Variants in SHOC1 observed in about 807,000 individuals in gnomAD.
SHOC1 encodes the protein protein shortage in chiasmata 1 ortholog.
In SHOC1, 136 loss-of-function variants were observed where a neutral mutation model predicts 179.2. The ratio of observed to expected loss-of-function variants is 0.76; its 90% CI spans 0.66 to 0.87. SHOC1 has a LOEUF of 0.87. Among genes scored for constraint, SHOC1 ranks in the 40% least tolerant of loss-of-function variants. The pLI, the probability that SHOC1 is intolerant of heterozygous loss-of-function variation, is 0.00. For synonymous variants in SHOC1, 489 were observed against 586.6 expected (o/e 0.83, Z 2.41); for missense variants, 1,538 against 1,700.8 (o/e 0.90, Z 1.68).
Position 111,754,100 on chromosome 9 carries a change from T to A in SHOC1, c.862+2225A>T, listed in dbSNP as rs142168299. ...GATGATAAGTTAATTAGCTTTTTTA[T>A]GGTAAATATTTCACAATGTATATGT... On this transcript the variant is annotated intron_variant, in intron 8 of 27. Coordinates refer to ENST00000682961, the MANE Select transcript of SHOC1 (RefSeq NM_001378211.1). Among the ~76,000 whole-genome samples the A allele has an allele frequency of 5.9e-5, 9 of 152,294 alleles. No individual in the cohort carries two copies. In the East Asian group the frequency reaches 1.7e-3, roughly 29 times the overall value.
At chr9:111,771,832 T>G (rs906558287) in intron 5 of SHOC1, among the ~76,000 whole-genome samples, 3 of 152,192 alleles carry the variant, frequency 2.0e-5, no homozygotes, top group African/African-American at 7.2e-5. Flanking sequence ...TCTTGCTGCT[T>G]TTGAGATCCT....
chr9:111,794,526 G>T (rs966500234), intron 1 of SHOC1, among the ~76,000 whole-genome samples: 11 of 152,188 alleles, frequency 7.2e-5, no homozygotes, highest in African/African-American at 2.7e-4. Flanking sequence ...AGAGGTTGCA[G>T]TGAACCGAGA....
intron 24 of SHOC1, among the ~76,000 whole-genome samples, chr9:111,697,723 G>C (rs1026676513): frequency 1.8e-4 from 27 of 152,180 alleles, no homozygotes; most frequent in African/African-American, 6.3e-4. Context: ...GGTATGGCTG[G>C]GTCAAATGGT....
chr9:111,769,975 G>GTTTGTTTTTTTTTTTT lies in SHOC1; in HGVS notation c.442+5815_442+5816insAAAAAAAAAAAACAAA, dbSNP rs1564161086. 1.7e-4 allele frequency among the ~76,000 whole-genome samples: 15 copies of GTTTGTTTTTTTTTTTT among 87,792 alleles called. 2 individuals carry two copies. Among genetic ancestry groups the GTTTGTTTTTTTTTTTT allele is most frequent in the Admixed American group, 3.3e-4 (3 of 9,228 alleles). The allele number at this position is 87,792 out of a possible 152,430, so 57.6% of individuals were successfully genotyped here. On this transcript the variant is annotated intron_variant, in intron 5 of 27. Transcript: ENST00000682961. ...AATCTAGCGAAAGGTTTTATCTTCT[G>GTTTGTTTTTTTTTTTT]TTTTTTTTTTGTTTTTTTTTTTTTT...
At chr9:111,730,545 C>T (rs1304809674) in intron 12 of SHOC1, among the ~76,000 whole-genome samples, 1 of 152,174 alleles carries the variant, frequency 6.6e-6, no homozygotes, top group Non-Finnish European at 1.5e-5. Context: ...TGTCAATGAG[C>T]AGTAATATTT....
chr9:111,718,415 A>G, intron 15 of SHOC1, 127 bp from the exon 16 acceptor site: 2 of 490,730 alleles, frequency 4.1e-6, no homozygotes, highest in Non-Finnish European at 6.9e-6. Flanking sequence ...CAGGCTGTAT[A>G]TAAGCTGGCT....
chr9:111,735,983 C>G lies in SHOC1; in HGVS notation c.1417+2297G>C, dbSNP rs1833797326. ...CATGTCTTTACTATTGTGAATAGTG[C>G]TGTGATGAACATATTAGTGCATGTA... On this transcript the variant is annotated intron_variant, in intron 12 of 27. Transcript: ENST00000682961. 2.0e-5 allele frequency among the ~76,000 whole-genome samples: 3 copies of G among 152,060 alleles called. No homozygotes were observed. The South Asian group carries it at 6.2e-4, about 32-fold the overall frequency.
intron 15 of SHOC1, among the ~76,000 whole-genome samples, chr9:111,721,555 G>C (rs985922043): frequency 6.6e-6 from 1 of 152,130 alleles, no homozygotes; most frequent in African/African-American, 2.4e-5. Context: ...GGCTAGGCTG[G>C]TCTCGAACTC....
chr9:111,721,591 T>C (rs763574503), intron 15 of SHOC1, among the ~76,000 whole-genome samples: 1 of 152,162 alleles, frequency 6.6e-6, no homozygotes, highest in Non-Finnish European at 1.5e-5. Flanking sequence ...CCACCCGCCT[T>C]GGCCTCCCAA....
rs190140577 is a variant in SHOC1, at chr9:111,695,070, T to C, written c.3184-708A>G. ...TCCTGTCTGACACTGTTTTCCTCCA[T>C]GCCCTTCTCTCTTCTGAAATGTCAA... is the stretch of plus-strand genomic sequence containing the variant. On this transcript the variant is annotated intron_variant, in intron 24 of 27. Transcript: ENST00000682961. 2.9e-3 allele frequency among the ~76,000 whole-genome samples: 360 copies of C among 124,012 alleles called. 1 individual carries two copies. Among genetic ancestry groups the C allele is most frequent in the African/African-American group, 0.012 (325 of 28,138 alleles). 81.4% of individuals were successfully genotyped at this position (124,012 alleles called of 152,430 possible). A position where few individuals can be genotyped will look rare whatever the true frequency, so the allele number is the denominator to read the frequency against.
At position 111,738,414 on chromosome 9, in the gene SHOC1, C is replaced by T. The variant is rs1297160269; in HGVS notation, c.1283G>A (p.Trp428Ter). 3.1e-6 allele frequency: 5 copies of T among 1,612,264 alleles called. No individual in the cohort carries two copies. The highest frequency in any genetic ancestry group is 4.2e-6 in the Non-Finnish European group (5 of 1,179,342). ...LVINLEKAEW[W>*]KQAGLNLKMM... is the part of the protein sequence containing the mutation. ...TTTCAGATTTAGTCCTGCTTGTTTC[C>T]ACCACTCTGCCTTTTCCAGATTAAT... The change falls in exon 12 of 28, where the codon TGG (tryptophan) becomes TAG (stop). Residue 428 changes from tryptophan to a stop codon, truncating the protein, a stop_gained. Transcript: ENST00000682961. LOFTEE classifies it high-confidence loss of function.
At chr9:111,769,975 G>GTTTTTTTTTTTCT in intron 5 of SHOC1, among the ~76,000 whole-genome samples, 1 of 87,806 alleles carries the variant, frequency 1.1e-5, no homozygotes, top group African/African-American at 5.3e-5. Context: ...TTTATCTTCT[G>GTTTTTTTTTTTCT]TTTTTTTTTT....
At chr9:111,712,563 C>T (rs912925439) in intron 18 of SHOC1, among the ~76,000 whole-genome samples, 2 of 152,090 alleles carry the variant, frequency 1.3e-5, no homozygotes, top group Admixed American at 6.6e-5. Flanking sequence ...GTTTGCATAA[C>T]AAGCAATGGA....
chr9:111,758,729 T>C lies in SHOC1; in HGVS notation c.562A>G (p.Lys188Glu). The C allele has an allele frequency of 6.3e-7, 1 of 1,593,684 alleles. No homozygotes were observed. The highest frequency in any genetic ancestry group is 8.5e-7 in the Non-Finnish European group (1 of 1,174,536). Residue 188 changes from lysine to glutamate, a missense_variant, in exon 6 of 28, where the codon AAA becomes GAA. Physicochemically the swap from Lys to Glu is moderately conservative, Grantham distance 56. Transcript: ENST00000682961. Reference sequence around the variant, plus strand: ...TTAGCTTCTGTGAAGATCTGTCCTTTGAAATCTAAAAGAGGATCCTTTACC... The same window carrying C: ...TTAGCTTCTGTGAAGATCTGTCCTTCGAAATCTAAAAGAGGATCCTTTACC... ...FLVKDPLLDF[K>E]GQIFTEANFS...
chr9:111,712,553 G>T (rs530416193), intron 18 of SHOC1, among the ~76,000 whole-genome samples: 64 of 152,266 alleles, frequency 4.2e-4, no homozygotes, highest in African/African-American at 1.4e-3. Context: ...AAAGAGCAGA[G>T]TTTGCATAAC....
chr9:111,722,503 A>G lies in SHOC1; in HGVS notation c.2037T>C (p.Pro679=), dbSNP rs12352352. ...LKNLVSLCTL[P]TANWKFATVI... Reference sequence around the variant, plus strand: ...CAGTGGCAAATTTCCAATTAGCAGTAGGGAGGGTACACAAGGATACAAGGT... The same window carrying G: ...CAGTGGCAAATTTCCAATTAGCAGTGGGGAGGGTACACAAGGATACAAGGT... The change falls in exon 15 of 28, where the codon CCT becomes CCC. Residue 679 remains proline (P), a synonymous_variant. Transcript: ENST00000682961. 340,651 of 1,612,228 alleles carry G rather than the reference A, an allele frequency of 0.21. 37,801 individuals are homozygous for G. The highest frequency in any genetic ancestry group is 0.23 in the Non-Finnish European group (268,292 of 1,179,426).
intron 8 of SHOC1, among the ~76,000 whole-genome samples, chr9:111,750,944 C>G (rs1284956975): frequency 6.6e-6 from 1 of 152,076 alleles, no homozygotes; most frequent in Non-Finnish European, 1.5e-5. Context: ...ATGGTATTGC[C>G]TAGATTTTTT....
chr9:111,776,565 C>T (rs946036368), intron 4 of SHOC1, among the ~76,000 whole-genome samples: 2 of 152,172 alleles, frequency 1.3e-5, no homozygotes, highest in Non-Finnish European at 2.9e-5. Context: ...GGAAGCTAAC[C>T]TCTATGAACT....
chr9:111,792,653 C>T (rs1836486873), intron 1 of SHOC1, among the ~76,000 whole-genome samples: 2 of 152,094 alleles, frequency 1.3e-5, no homozygotes, highest in South Asian at 4.1e-4. Context: ...TGTTTAATGA[C>T]TCAGAAGGAT....
Sources: allele counts gnomAD v4.1 joint callset (sites outside exome capture counted in the v4.1 genomes callset), GRCh38; gene constraint gnomAD v4.1.1; transcripts MANE v1.5; gene names NCBI Gene and HGNC (gene_info 2026-07-23, HGNC 2026-07-21).